ACAD11: variants seen among roughly 807,000 people sequenced by gnomAD.
ACAD11 encodes acyl-CoA dehydrogenase family member 11, also known as acyl-Coenzyme A dehydrogenase family, member 11.
A neutral mutation model predicts 102.2 loss-of-function variants in ACAD11; 83 were observed. That is an observed-to-expected ratio of 0.81 (90% CI 0.68 to 0.97). ACAD11 has a LOEUF of 0.97. ACAD11 is among the 50% of genes least tolerant of loss of function. The pLI is 0.00. For missense variants in ACAD11, 901 were observed against 951.7 expected, an observed-to-expected ratio of 0.95 and a Z score of 0.70; for synonymous variants, 324 against 319.8, an observed-to-expected ratio of 1.01 and a Z score of -0.14.
intron 13 of ACAD11, among the ~76,000 whole-genome samples, chr3:132,586,868 G>A (rs113859829): frequency 0.012 from 1,896 of 152,272 alleles, 39 homozygotes; most frequent in African/African-American, 0.043. Flanking sequence ...TGAGGTGGGC[G>A]GATCACCTGA....
intron 11 of ACAD11, among the ~76,000 whole-genome samples, chr3:132,615,174 A>G (rs1437282095): frequency 6.6e-6 from 1 of 152,220 alleles, no homozygotes; most frequent in East Asian, 1.9e-4. Context: ...GTCAGGAAAC[A>G]ATAGATGCTG....
chr3:132,605,270 T>A, intron 11 of ACAD11, 65 bp from the exon 12 acceptor site: 1 of 1,165,078 alleles, frequency 8.6e-7, no homozygotes, highest in South Asian at 1.4e-5. Flanking sequence ...TCCACAACTT[T>A]ATGTAGAGAG....
At chr3:132,640,567 C>T (rs73860782) in intron 4 of ACAD11, among the ~76,000 whole-genome samples, 9,890 of 152,160 alleles carry the variant, frequency 0.065, 1,084 homozygotes, top group African/African-American at 0.22. Context: ...CTCCATTTCC[C>T]GAGGTATCTT....
intron 10 of ACAD11, 43 bp from the exon 11 acceptor site, chr3:132,618,815 G>T: frequency 2.0e-6 from 3 of 1,479,768 alleles, no homozygotes; most frequent in South Asian, 1.5e-5. Flanking sequence ...TAATTTACCA[G>T]GACTCACAGT....
At chr3:132,570,113 T>G (rs767184289) in intron 17 of ACAD11, among the ~76,000 whole-genome samples, 1 of 152,186 alleles carries the variant, frequency 6.6e-6, no homozygotes, top group African/African-American at 2.4e-5. Context: ...TGTCAGAACT[T>G]GTAAGAGAAG....
chr3:132,578,021 T>C (rs1379683457), intron 15 of ACAD11, among the ~76,000 whole-genome samples: 1 of 152,204 alleles, frequency 6.6e-6, no homozygotes, highest in Non-Finnish European at 1.5e-5. Flanking sequence ...GCAAGTCTTA[T>C]ATCTGCCACT....
At chr3:132,587,010 C>T (rs1212691923) in intron 13 of ACAD11, among the ~76,000 whole-genome samples, 1 of 152,134 alleles carries the variant, frequency 6.6e-6, no homozygotes, top group Non-Finnish European at 1.5e-5. Flanking sequence ...AGGAGAATTG[C>T]CTGAACCCGG....
At chr3:132,635,421 T>G (rs1444104802) in intron 5 of ACAD11, among the ~76,000 whole-genome samples, 1 of 152,208 alleles carries the variant, frequency 6.6e-6, no homozygotes, top group East Asian at 1.9e-4. Flanking sequence ...CATGCCTCCA[T>G]ATAACTGTGT....
At chr3:132,609,915 A>C (rs955542044) in intron 11 of ACAD11, among the ~76,000 whole-genome samples, 1 of 152,194 alleles carries the variant, frequency 6.6e-6, no homozygotes, top group African/African-American at 2.4e-5. Context: ...CAACACATCA[A>C]AAAGCTTATC....
At chr3:132,628,613 C>T (rs886380495) in intron 7 of ACAD11, among the ~76,000 whole-genome samples, 167 bp from the exon 8 acceptor site, 1 of 152,124 alleles carries the variant, frequency 6.6e-6, no homozygotes, top group African/African-American at 2.4e-5. Flanking sequence ...TTACACCCTT[C>T]TAAAGAGTCA....
At chr3:132,569,021 A>G (rs1009829284) in intron 17 of ACAD11, among the ~76,000 whole-genome samples, 2 of 151,820 alleles carry the variant, frequency 1.3e-5, no homozygotes, top group African/African-American at 4.9e-5. Flanking sequence ...TTAAAATTAA[A>G]CACTTTTGTT....
At chr3:132,575,208 C>A (rs1053746382) in intron 17 of ACAD11, among the ~76,000 whole-genome samples, 1 of 152,124 alleles carries the variant, frequency 6.6e-6, no homozygotes, top group Non-Finnish European at 1.5e-5. Context: ...TTTGTAACAA[C>A]AGACTCAGTA....
intron 13 of ACAD11, among the ~76,000 whole-genome samples, chr3:132,599,719 A>C (rs1375517984): frequency 6.6e-6 from 1 of 152,132 alleles, no homozygotes; most frequent in East Asian, 1.9e-4. Context: ...AAGCAGGCTT[A>C]CAGCTTAGAT....
At chr3:132,614,725 G>C (rs1171809809) in intron 11 of ACAD11, among the ~76,000 whole-genome samples, 2 of 152,170 alleles carry the variant, frequency 1.3e-5, no homozygotes, top group African/African-American at 4.8e-5. Context: ...AAAAGCCCTA[G>C]AAGAAAACCT....
intron 13 of ACAD11, 142 bp from the exon 14 acceptor site, chr3:132,579,700 C>G (rs1045179755): frequency 1.6e-6 from 1 of 636,290 alleles, no homozygotes; most frequent in Non-Finnish European, 2.7e-6. Flanking sequence ...GATAATAATT[C>G]TTTTGTAACA....
intron 11 of ACAD11, among the ~76,000 whole-genome samples, chr3:132,616,754 T>C (rs193215528): frequency 1.1e-3 from 161 of 152,336 alleles, no homozygotes; most frequent in African/African-American, 3.8e-3. Context: ...TGTAGAATGA[T>C]GTAATAGCCT....
At position 132,559,836 on chromosome 3, in the gene ACAD11, T is replaced by C; in HGVS notation, c.2225A>G (p.Asn742Ser). Reference sequence around the variant, plus strand: ...TTCTTAAATGACATCTACTCACATGTTAGCCAGAGGGTAATCCTGGGAAAC... The same window carrying C: ...TTCTTAAATGACATCTACTCACATGCTAGCCAGAGGGTAATCCTGGGAAAC... ...AGVSQDYPLA[N>S]MYAITRVLRL... Residue 742 changes from asparagine (N) to serine (S), a missense_variant, in exon 19 of 20, where the codon AAC becomes AGC. Transcript: ENST00000264990. 6.2e-7 allele frequency: 1 copy of C among 1,612,220 alleles called. No homozygotes were observed. The highest frequency in any genetic ancestry group is 8.5e-7 in the Non-Finnish European group (1 of 1,178,782).
At position 132,559,887 on chromosome 3, in the gene ACAD11, G is replaced by A. The variant is rs1035564215; in HGVS notation, c.2174C>T (p.Ala725Val). The change falls in exon 19 of 20, where the codon GCC becomes GTC. Residue 725 changes from alanine (A) to valine (V), a missense_variant. Physicochemically the swap from Ala to Val is moderately conservative, Grantham distance 64. Coordinates refer to ENST00000264990, the MANE Select transcript of ACAD11 (RefSeq NM_032169.5). ...ACCAGCACCTCCGCACACCTGGATGGCCCAGTCAACGATTTTGCTGACAGC... is the reference window on the plus strand; with the variant it reads ...ACCAGCACCTCCGCACACCTGGATGACCCAGTCAACGATTTTGCTGACAGC... The part of the protein sequence containing the change: ...PRAVSKIVDW[A>V]IQVCGGAGVS... 2 of 1,613,514 alleles carry A rather than the reference G, an allele frequency of 1.2e-6. No individual in the cohort carries two copies. The highest frequency in any genetic ancestry group is 1.3e-5 in the African/African-American group (1 of 74,926).
chr3:132,586,007 T>G (rs377065993), intron 13 of ACAD11, among the ~76,000 whole-genome samples: 1 of 152,048 alleles, frequency 6.6e-6, no homozygotes, highest in Admixed American at 6.6e-5. Flanking sequence ...ACCCAAAGGA[T>G]TATAAATCAT....
Sources: allele counts gnomAD v4.1 joint callset (sites outside exome capture counted in the v4.1 genomes callset), GRCh38; gene constraint gnomAD v4.1.1; transcripts MANE v1.5; gene names NCBI Gene and HGNC (gene_info 2026-07-23, HGNC 2026-07-21).